Variants in SORCS2 observed in about 807,000 individuals in gnomAD.
SORCS2 encodes the protein sortilin related VPS10 domain containing receptor 2, also known as VPS10 domain-containing receptor SorCS2.
Under a neutral mutation model 141.6 loss-of-function variants are expected in SORCS2, and 100 were observed. That is an observed-to-expected ratio of 0.71 (90% CI 0.60 to 0.83). The LOEUF (loss-of-function observed/expected upper bound fraction) is 0.83. SORCS2 is among the 40% of genes least tolerant of loss of function. The pLI, the probability that SORCS2 is intolerant of heterozygous loss-of-function variation, is 0.00. For synonymous variants in SORCS2, 789 were observed against 676.9 expected, an observed-to-expected ratio of 1.17 and a Z score of -2.57; for missense variants, 1,646 against 1,560.2, an observed-to-expected ratio of 1.05 and a Z score of -0.93.
At chr4:7,487,594 C>T (rs543125367) in intron 2 of SORCS2, among the ~76,000 whole-genome samples, 2 of 152,362 alleles carry the variant, frequency 1.3e-5, no homozygotes, top group South Asian at 4.1e-4. Context: ...CTCTGCACTT[C>T]TACCATCTGG....
intron 1 of SORCS2, among the ~76,000 whole-genome samples, chr4:7,334,270 C>T (rs914638108): frequency 1.1e-4 from 17 of 152,158 alleles, no homozygotes; most frequent in Non-Finnish European, 1.8e-4. Flanking sequence ...AGCCCCTTCC[C>T]GCAGCAGCCA....
At chr4:7,340,663 G>T (rs145567231) in intron 1 of SORCS2, among the ~76,000 whole-genome samples, 21 of 152,214 alleles carry the variant, frequency 1.4e-4, no homozygotes, top group Admixed American at 3.9e-4. Context: ...TTGCACACCT[G>T]TGGGTGGAAA....
At chr4:7,205,527 G>A (rs1727683101) in intron 1 of SORCS2, among the ~76,000 whole-genome samples, 1 of 152,226 alleles carries the variant, frequency 6.6e-6, no homozygotes, top group South Asian at 2.1e-4. Context: ...GCCATACTTT[G>A]AGATCGATAA....
intron 2 of SORCS2, among the ~76,000 whole-genome samples, chr4:7,397,008 A>G (rs1424193566): frequency 6.6e-6 from 1 of 152,202 alleles, no homozygotes; most frequent in Non-Finnish European, 1.5e-5. Context: ...TGTGGTTTCA[A>G]AGCTTTTCTC....
At chr4:7,196,195 G>A (rs1260075738) in intron 1 of SORCS2, among the ~76,000 whole-genome samples, 3 of 152,228 alleles carry the variant, frequency 2.0e-5, no homozygotes, top group African/African-American at 4.8e-5. Flanking sequence ...AAATTGTTAT[G>A]TGTGAAATTA....
chr4:7,419,012 G>A (rs1245613391), intron 2 of SORCS2, among the ~76,000 whole-genome samples: 1 of 152,208 alleles, frequency 6.6e-6, no homozygotes, highest in Non-Finnish European at 1.5e-5. Flanking sequence ...AGGTCTCAAG[G>A]CATGGACTTG....
chr4:7,627,455 G>T (rs1010038826), intron 3 of SORCS2, among the ~76,000 whole-genome samples: 1 of 152,160 alleles, frequency 6.6e-6, no homozygotes, highest in Admixed American at 6.5e-5. Flanking sequence ...AATTGTGCAT[G>T]AACTCCCATG....
At chr4:7,563,509 C>G (rs1669879165) in intron 3 of SORCS2, among the ~76,000 whole-genome samples, 1 of 152,188 alleles carries the variant, frequency 6.6e-6, no homozygotes, top group African/African-American at 2.4e-5. Context: ...GCCACTTGGA[C>G]TCTTCCATGC....
chr4:7,267,407 C>A (rs1017752865), intron 1 of SORCS2, among the ~76,000 whole-genome samples: 1 of 152,092 alleles, frequency 6.6e-6, no homozygotes, highest in Non-Finnish European at 1.5e-5. Context: ...TCGAGTAGGG[C>A]GTCTATTTCC....
At chr4:7,213,437 G>GAAATGGTGCAGACAGC (rs1208951290) in intron 1 of SORCS2, among the ~76,000 whole-genome samples, 6 of 152,232 alleles carry the variant, frequency 3.9e-5, no homozygotes, top group Non-Finnish European at 8.8e-5. Context: ...GGCAGTCAGG[G>GAAATGGTGCAGACAGC]AAATGGTGCA....
At chr4:7,316,461 A>G (rs1374445519) in intron 1 of SORCS2, among the ~76,000 whole-genome samples, 2 of 152,260 alleles carry the variant, frequency 1.3e-5, no homozygotes, top group Non-Finnish European at 2.9e-5. Flanking sequence ...GTTTGGGACA[A>G]GTAAGTGGAT....
chr4:7,449,768 A>G (rs1197943454), intron 2 of SORCS2, among the ~76,000 whole-genome samples: 2 of 151,994 alleles, frequency 1.3e-5, no homozygotes, highest in Non-Finnish European at 2.9e-5. Context: ...TGGCCTCGGA[A>G]ATCGCTCCAG....
chr4:7,728,595 G>A lies in SORCS2; in HGVS notation c.2982+133G>A, dbSNP rs553724551. The A allele has an allele frequency of 4.8e-5, 30 of 619,724 alleles. No homozygotes were observed. In the East Asian group the frequency reaches 5.9e-4, roughly 12 times the overall value. 38.4% of individuals were successfully genotyped at this position (619,724 alleles called of 1,614,324 possible). A position where few individuals can be genotyped will look rare whatever the true frequency, so the allele number is the denominator to read the frequency against. On this transcript the variant is annotated intron_variant, in intron 22 of 26. Transcript: ENST00000507866. ...CCCCGCACACGATGCTCTGGTCTTCGGGCCAGCTGGGGATGTTGAAAGCTA... is the reference window on the plus strand; with the variant it reads ...CCCCGCACACGATGCTCTGGTCTTCAGGCCAGCTGGGGATGTTGAAAGCTA...
rs112999068 is a variant in SORCS2 at position 7,329,233 on chromosome 4, G to A, written c.481-67055G>A. 3.0e-3 allele frequency among the ~76,000 whole-genome samples: 461 copies of A among 152,292 alleles called. 3 individuals carry two copies. The highest frequency in any genetic ancestry group is 8.2e-3 in the African/African-American group (341 of 41,574). On this transcript the variant is annotated intron_variant, in intron 1 of 26. Transcript: ENST00000507866. Reference sequence around the variant, plus strand: ...AGAGCCCTGGCTTACAGGCGGGCCCGGGGCCTGGGAGGGCATGGTGTCAGT... The same window carrying A: ...AGAGCCCTGGCTTACAGGCGGGCCCAGGGCCTGGGAGGGCATGGTGTCAGT...
At chr4:7,660,562 G>A (rs977104716) in intron 5 of SORCS2, among the ~76,000 whole-genome samples, 2 of 152,220 alleles carry the variant, frequency 1.3e-5, no homozygotes, top group African/African-American at 4.8e-5. Flanking sequence ...TTAGGAGAAG[G>A]CCTTGGTTGT....
At chr4:7,331,574 C>A (rs565548461) in intron 1 of SORCS2, among the ~76,000 whole-genome samples, 11 of 152,240 alleles carry the variant, frequency 7.2e-5, no homozygotes, top group Admixed American at 6.5e-4. Context: ...TTGAGAAACC[C>A]AGTGGGGTGT....
intron 2 of SORCS2, among the ~76,000 whole-genome samples, chr4:7,522,096 GA>G (rs935842031): frequency 6.6e-6 from 1 of 152,144 alleles, no homozygotes; most frequent in Non-Finnish European, 1.5e-5. Flanking sequence ...TGTTCAGATA[GA>G]AAAAAATCCT....
intron 2 of SORCS2, among the ~76,000 whole-genome samples, chr4:7,508,031 C>T (rs10000185): frequency 0.19 from 29,215 of 152,030 alleles, 5,375 homozygotes; most frequent in African/African-American, 0.49. Flanking sequence ...AGTGGACTCA[C>T]GACGGGTACA....
intron 2 of SORCS2, among the ~76,000 whole-genome samples, chr4:7,438,070 T>C (rs747418961): frequency 6.6e-6 from 1 of 152,186 alleles, no homozygotes; most frequent in African/African-American, 2.4e-5. Context: ...GTGGATACAA[T>C]ACTAGAATTT....
Sources: allele counts gnomAD v4.1 joint callset (sites outside exome capture counted in the v4.1 genomes callset), GRCh38; gene constraint gnomAD v4.1.1; transcripts MANE v1.5; gene names NCBI Gene and HGNC (gene_info 2026-07-23, HGNC 2026-07-21).